The following ZNF407 variants were observed in gnomAD, a reference collection of about 807,000 sequenced individuals.
ZNF407 encodes the protein zinc finger protein 407.
ZNF407 carries 17 observed loss-of-function variants against 131.2 expected under a neutral mutation model. That is an observed-to-expected ratio of 0.13 (90% CI 0.09 to 0.19). The LOEUF is 0.19. ZNF407 is among the 10% of genes least tolerant of loss of function. The pLI is 1.00. For missense variants in ZNF407, 2,681 were observed against 2,830.6 expected (o/e 0.95, Z 1.20); for synonymous variants, 1,156 against 1,062.0 (o/e 1.09, Z -1.72).
At chr18:74,735,552 G>A (rs534559297) in intron 3 of ZNF407, among the ~76,000 whole-genome samples, 1 of 152,288 alleles carries the variant, frequency 6.6e-6, no homozygotes, top group Non-Finnish European at 1.5e-5. Flanking sequence ...AGAGGGTATG[G>A]CCTGTTTACT....
At chr18:74,600,818 G>A (rs1982546066) in intron 1 of ZNF407, among the ~76,000 whole-genome samples, 1 of 152,216 alleles carries the variant, frequency 6.6e-6, no homozygotes. Context: ...AGGAGGTGTG[G>A]AAAATAAGGC....
intron 8 of ZNF407, among the ~76,000 whole-genome samples, chr18:74,985,236 T>G (rs946354186): frequency 6.6e-6 from 1 of 152,218 alleles, no homozygotes; most frequent in African/African-American, 2.4e-5. Context: ...AATTTTTACC[T>G]CCTTAAAATA....
chr18:74,983,943 C>T (rs1174356413), intron 8 of ZNF407, among the ~76,000 whole-genome samples: 2 of 152,236 alleles, frequency 1.3e-5, no homozygotes, highest in Non-Finnish European at 2.9e-5. Context: ...AGGTCTATCT[C>T]ATTTGATCTT....
At chr18:74,784,467 A>G (rs1208574583) in intron 4 of ZNF407, among the ~76,000 whole-genome samples, 3 of 152,228 alleles carry the variant, frequency 2.0e-5, no homozygotes, top group African/African-American at 7.2e-5. Context: ...CAGCATGGCT[A>G]TCATTAGAAA....
At chr18:74,844,079 C>G (rs1970669445) in intron 4 of ZNF407, among the ~76,000 whole-genome samples, 1 of 152,130 alleles carries the variant, frequency 6.6e-6, no homozygotes, top group South Asian at 2.1e-4. Flanking sequence ...AGCACTGCCA[C>G]GAAACATTGT....
intron 3 of ZNF407, among the ~76,000 whole-genome samples, chr18:74,753,480 A>G (rs1034927676): frequency 1.1e-4 from 17 of 152,142 alleles, no homozygotes; most frequent in Non-Finnish European, 1.6e-4. Context: ...TCAGTATGAT[A>G]TTGGCTGTGG....
chr18:75,012,242 T>TG (rs1972982651), intron 8 of ZNF407, among the ~76,000 whole-genome samples: 1 of 151,928 alleles, frequency 6.6e-6, no homozygotes, highest in Non-Finnish European at 1.5e-5. Context: ...TCACAGGGCT[T>TG]GAAGCCCACC....
intron 3 of ZNF407, among the ~76,000 whole-genome samples, chr18:74,763,903 C>T (rs1217845337): frequency 4.6e-5 from 7 of 150,980 alleles, no homozygotes; most frequent in Non-Finnish European, 7.4e-5. Flanking sequence ...TTAGTAGAGA[C>T]GGGGTTTCAC....
chr18:74,634,474 C>T lies in ZNF407; in HGVS notation c.3455C>T (p.Thr1152Ile), dbSNP rs749113778. 3.1e-6 allele frequency: 5 copies of T among 1,613,744 alleles called. No homozygotes were observed. The highest frequency in any genetic ancestry group is 4.2e-6 in the Non-Finnish European group (5 of 1,179,894). Reference sequence around the variant, plus strand: ...GCTGCTGACTCTGTAGAAGTTGAGACTGAAGAAGAATCTAATTTCAATGAA... The same window carrying T: ...GCTGCTGACTCTGTAGAAGTTGAGATTGAAGAAGAATCTAATTTCAATGAA... ...LCAADSVEVE[T>I]EEESNFNEDH... is the part of the protein sequence containing the mutation. The change falls in exon 2 of 9, where the codon ACT becomes ATT. Residue 1152 changes from threonine to isoleucine, a missense_variant. Transcript: ENST00000299687.
At chr18:74,724,139 C>A (rs919544203) in intron 3 of ZNF407, among the ~76,000 whole-genome samples, 4 of 151,818 alleles carry the variant, frequency 2.6e-5, no homozygotes, top group African/African-American at 9.7e-5. Flanking sequence ...TTATATAATT[C>A]TTTTGGTATT....
intron 8 of ZNF407, among the ~76,000 whole-genome samples, chr18:74,933,810 C>T (rs1423656857): frequency 6.6e-6 from 1 of 152,040 alleles, no homozygotes; most frequent in East Asian, 1.9e-4. Context: ...ATGTTCTAGT[C>T]AGTGTTTGAA....
Position 74,829,086 on chromosome 18 carries a change from C to T in ZNF407, c.4877+47584C>T, listed in dbSNP as rs1040850639. On this transcript the variant is annotated intron_variant, in intron 4 of 8. Coordinates refer to ENST00000299687, the MANE Select transcript of ZNF407 (RefSeq NM_017757.3). ...TACTTAATTACATGGGAAAATTCTTCATGTCCCGTATTTTAATAGCTTAAT... is the reference window on the plus strand; with the variant it reads ...TACTTAATTACATGGGAAAATTCTTTATGTCCCGTATTTTAATAGCTTAAT... 5.9e-5 allele frequency among the ~76,000 whole-genome samples: 9 copies of T among 152,200 alleles called. 1 individual carries two copies. Among genetic ancestry groups the T allele is most frequent in the South Asian group, 4.1e-4 (2 of 4,828 alleles).
intron 4 of ZNF407, among the ~76,000 whole-genome samples, chr18:74,843,076 A>G (rs1001693220): frequency 6.6e-6 from 1 of 152,192 alleles, no homozygotes; most frequent in Admixed American, 6.5e-5. Context: ...TGTTTCTCAC[A>G]TCTATCCACT....
Position 74,634,751 on chromosome 18 carries a change from C to T in ZNF407, c.3732C>T (p.Val1244=), listed in dbSNP as rs765531317. 1.5e-5 allele frequency: 25 copies of T among 1,613,866 alleles called. No homozygotes were observed. Among genetic ancestry groups the T allele is most frequent in the Non-Finnish European group, 1.9e-5 (23 of 1,179,896 alleles). Residue 1244 remains valine (V), a synonymous_variant, in exon 2 of 9, where the codon GTC becomes GTT. Coordinates refer to ENST00000299687, the MANE Select transcript of ZNF407 (RefSeq NM_017757.3). ...GGNAGDGGGV[V]PHRHLCPVTL... ...ACGCAGGAGACGGTGGAGGTGTTGT[C>T]CCCCACAGACACCTGTGCCCTGTGA... is the stretch of plus-strand genomic sequence containing the variant.
intron 8 of ZNF407, among the ~76,000 whole-genome samples, chr18:75,002,934 T>A (rs1972865517): frequency 6.6e-6 from 1 of 152,236 alleles, no homozygotes; most frequent in African/African-American, 2.4e-5. Context: ...CCCTACTCCA[T>A]TTCTCTTCAG....
intron 3 of ZNF407, among the ~76,000 whole-genome samples, chr18:74,659,907 G>A (rs545975209): frequency 2.0e-5 from 3 of 152,234 alleles, no homozygotes; most frequent in African/African-American, 7.2e-5. Context: ...ATATTTCTAT[G>A]CATTTTGGAT....
intron 3 of ZNF407, among the ~76,000 whole-genome samples, chr18:74,654,832 T>C (rs1002171084): frequency 1.3e-5 from 2 of 151,840 alleles, no homozygotes; most frequent in African/African-American, 4.8e-5. Flanking sequence ...TTCCAGTAGA[T>C]GGCTATAGTT....
intron 4 of ZNF407, among the ~76,000 whole-genome samples, chr18:74,791,849 T>C (rs1216863672): frequency 6.6e-6 from 1 of 152,208 alleles, no homozygotes; most frequent in East Asian, 1.9e-4. Context: ...AAGAAGGGGA[T>C]TCACACTCAG....
intron 4 of ZNF407, among the ~76,000 whole-genome samples, chr18:74,785,339 G>C (rs549353902): frequency 6.6e-6 from 1 of 152,212 alleles, no homozygotes; most frequent in Non-Finnish European, 1.5e-5. Flanking sequence ...ATTTCCTCTG[G>C]GGTCCTCCAG....
Sources: gnomAD v4.1 joint callset for allele counts (sites outside exome capture counted in the v4.1 genomes callset) on GRCh38, gnomAD v4.1.1 for gene constraint, MANE v1.5 for transcripts, NCBI Gene and HGNC (gene_info 2026-07-23, HGNC 2026-07-21) for gene names.